The following FHIP2A variants were observed in gnomAD, a reference collection of about 807,000 sequenced individuals.
The protein encoded by FHIP2A is FHF complex subunit HOOK interacting protein 2A, also known as family with sequence similarity 160 member B1.
In FHIP2A, 46 loss-of-function variants were observed where a neutral mutation model predicts 93.5. The observed-to-expected ratio is 0.49, with a 90% CI of 0.39 to 0.63. The LOEUF is 0.63. FHIP2A is among the 20% of genes least tolerant of loss of function. The pLI is 0.00. For synonymous variants in FHIP2A, 332 were observed against 326.5 expected (o/e 1.02, Z -0.18); for missense variants, 769 against 909.7 (o/e 0.85, Z 1.99).
chr10:114,839,795 T>C (rs2083657811), intron 5 of FHIP2A, among the ~76,000 whole-genome samples: 1 of 149,846 alleles, frequency 6.7e-6, no homozygotes, highest in Non-Finnish European at 1.5e-5. Context: ...GGCAGGAGAA[T>C]TGCTTGAACC....
chr10:114,829,614 A>G (rs1047472638), intron 1 of FHIP2A, among the ~76,000 whole-genome samples: 7 of 152,196 alleles, frequency 4.6e-5, no homozygotes, highest in Non-Finnish European at 8.8e-5. Context: ...ATCTTGTGAT[A>G]TCGGACCTGT....
At chr10:114,853,475 A>G (rs1010793422) in intron 13 of FHIP2A, among the ~76,000 whole-genome samples, 1 of 152,232 alleles carries the variant, frequency 6.6e-6, no homozygotes, top group Non-Finnish European at 1.5e-5. Flanking sequence ...TTAATGGAGT[A>G]GCAAGTAACA....
Position 114,871,650 on chromosome 10 carries a change from C to T in FHIP2A, c.2192+10316C>T, listed in dbSNP as rs181961391. ...GCTATTTTCCTGACTAGACCCATCT[C>T]AGTGGCAGCATCTTCCACTGTTAAC... On this transcript the variant is annotated intron_variant, in intron 16 of 16. Coordinates refer to the FHIP2A transcript ENST00000369250. Among the ~76,000 whole-genome samples, 279 of 152,314 alleles carry T rather than the reference C, an allele frequency of 1.8e-3. 1 individual carries two copies. The highest frequency in any genetic ancestry group is 6.4e-3 in the African/African-American group (268 of 41,572).
At chr10:114,884,332 G>A (rs2083931245) in intron 16 of FHIP2A, among the ~76,000 whole-genome samples, 1 of 152,126 alleles carries the variant, frequency 6.6e-6, no homozygotes, top group African/African-American at 2.4e-5. Context: ...TTTCTATAAC[G>A]TTATTAGAAG....
intron 16 of FHIP2A, among the ~76,000 whole-genome samples, chr10:114,888,982 A>G (rs1302591715): frequency 6.6e-6 from 1 of 151,958 alleles, no homozygotes; most frequent in Non-Finnish European, 1.5e-5. Flanking sequence ...CTTCCCTTTG[A>G]TTTCCTTATG....
intron 5 of FHIP2A, among the ~76,000 whole-genome samples, chr10:114,837,488 C>T (rs1210973752): frequency 6.6e-6 from 1 of 152,210 alleles, no homozygotes; most frequent in East Asian, 1.9e-4. Context: ...GCACTCCAGC[C>T]TGGGCAACAG....
chr10:114,839,393 C>A (rs1330484346), intron 5 of FHIP2A, among the ~76,000 whole-genome samples: 1 of 152,066 alleles, frequency 6.6e-6, no homozygotes, highest in Non-Finnish European at 1.5e-5. Context: ...TCCCAAAGTG[C>A]CAGGATTATA....
intron 16 of FHIP2A, among the ~76,000 whole-genome samples, chr10:114,883,580 G>T (rs1027363154): frequency 1.1e-4 from 17 of 151,872 alleles, no homozygotes; most frequent in Non-Finnish European, 1.8e-4. Context: ...TTATTTTTTT[G>T]TTTGTTTGTT....
chr10:114,835,477 AGTAAATGT>A (rs1383698314), intron 3 of FHIP2A, 52 bp from the exon 4 acceptor site: 6 of 993,550 alleles, frequency 6.0e-6, no homozygotes, highest in Non-Finnish European at 9.4e-6. Flanking sequence ...TAAGCTTTTC[AGTAAATGT>A]GTTTGCATTG....
intron 16 of FHIP2A, among the ~76,000 whole-genome samples, chr10:114,893,781 A>G: frequency 6.6e-6 from 1 of 152,194 alleles, no homozygotes; most frequent in East Asian, 1.9e-4. Flanking sequence ...ATATACGAAC[A>G]TAGAATTTCA....
Position 114,879,612 on chromosome 10 carries a change from AT to A in FHIP2A, c.2192+18280del, listed in dbSNP as rs541901677. 2.8e-3 allele frequency among the ~76,000 whole-genome samples: 429 copies of A among 152,248 alleles called. 1 individual carries two copies. Among genetic ancestry groups the A allele is most frequent in the African/African-American group, 9.3e-3 (386 of 41,556 alleles). On this transcript the variant is annotated intron_variant, in intron 16 of 16. Transcript: ENST00000369250. ...TTCCCCTTTCTTGCAATAACAGACG[AT>A]TGCTCAAATGCCTCATAAGAAGCGG...
rs560800290 is a variant in FHIP2A, at chr10:114,845,056, G to A, written c.1014-311G>A. On this transcript the variant is annotated intron_variant, in intron 7 of 16. Coordinates refer to ENST00000369248, the MANE Select transcript of FHIP2A (RefSeq NM_020940.4). Reference sequence around the variant, plus strand: ...GACCTCAAGTGATCCACCCACCCACGCACGTTGGCCTCCCAAAGTGCTGGT... The same window carrying A: ...GACCTCAAGTGATCCACCCACCCACACACGTTGGCCTCCCAAAGTGCTGGT... 2.7e-5 allele frequency among the ~76,000 whole-genome samples: 4 copies of A among 150,900 alleles called. No homozygotes were observed. The South Asian group carries it at 8.4e-4, about 32-fold the overall frequency.
At chr10:114,872,503 C>G (rs2083864816) in intron 16 of FHIP2A, among the ~76,000 whole-genome samples, 1 of 152,210 alleles carries the variant, frequency 6.6e-6, no homozygotes, top group African/African-American at 2.4e-5. Context: ...TCTCACTGCT[C>G]TGTTTTAGAC....
intron 14 of FHIP2A, among the ~76,000 whole-genome samples, chr10:114,855,801 T>C (rs2083763247): frequency 6.6e-6 from 1 of 152,166 alleles, no homozygotes; most frequent in African/African-American, 2.4e-5. Flanking sequence ...CGATACTCAT[T>C]TTCATAAGGG....
At chr10:114,840,326 A>G (rs2083661946) in intron 5 of FHIP2A, among the ~76,000 whole-genome samples, 1 of 152,268 alleles carries the variant, frequency 6.6e-6, no homozygotes, top group South Asian at 2.1e-4. Context: ...AGGAAACAGT[A>G]TAATTAAGAT....
intron 16 of FHIP2A, among the ~76,000 whole-genome samples, chr10:114,893,557 C>T (rs147566470): frequency 0.011 from 1,666 of 152,306 alleles, 20 homozygotes; most frequent in Middle Eastern, 0.054. Context: ...ATCTTCCAAT[C>T]CCTGAACTCT....
rs751210042 is a variant in FHIP2A at position 114,833,267 on chromosome 10, A to G, written c.159A>G (p.Pro53=). The G allele has an allele frequency of 2.2e-5, 36 of 1,612,440 alleles. No homozygotes were observed. Among genetic ancestry groups the G allele is most frequent in the Non-Finnish European group, 3.0e-5 (35 of 1,179,228 alleles). The change falls in exon 3 of 17, where the codon CCA becomes CCG. Residue 53 remains proline (P), a synonymous_variant. Coordinates refer to ENST00000369248, the MANE Select transcript of FHIP2A (RefSeq NM_020940.4). ...DKAPVTDTNI[P]SHLEQMLDIL... ...CCCCAGTGACCGATACAAATATTCC[A>G]TCGCATCTGGAACAGATGTTAGATA... is the stretch of plus-strand genomic sequence containing the variant.
At chr10:114,893,557 C>A (rs147566470) in intron 16 of FHIP2A, among the ~76,000 whole-genome samples, 3 of 152,190 alleles carry the variant, frequency 2.0e-5, no homozygotes, top group Non-Finnish European at 4.4e-5. Flanking sequence ...ATCTTCCAAT[C>A]CCTGAACTCT....
At position 114,846,698 on chromosome 10, in the gene FHIP2A, T is replaced by C; in HGVS notation, c.1538T>C (p.Val513Ala). The C allele has an allele frequency of 6.2e-7, 1 of 1,604,438 alleles. No homozygotes were observed. Among genetic ancestry groups the C allele is most frequent in the Non-Finnish European group, 8.5e-7 (1 of 1,177,694 alleles). Reference protein sequence around the residue: ...YKPLCPEDKDVVENGLIAGAV... With the variant: ...YKPLCPEDKDAVENGLIAGAV... ...CCTTTGTGCCCAGAAGATAAAGATG[T>C]GGTAGAAAATGGATTGATAGCAGGA... Residue 513 changes from valine (V) to alanine (A), a missense_variant, in exon 11 of 17, where the codon GTG becomes GCG. Coordinates refer to ENST00000369248, the MANE Select transcript of FHIP2A (RefSeq NM_020940.4).
Sources: gnomAD v4.1 joint callset for allele counts (sites outside exome capture counted in the v4.1 genomes callset) on GRCh38, gnomAD v4.1.1 for gene constraint, MANE v1.5 for transcripts, NCBI Gene and HGNC (gene_info 2026-07-23, HGNC 2026-07-21) for gene names.